Variants in AKAP6 observed in about 807,000 individuals in gnomAD.
AKAP6 encodes A-kinase anchoring protein 6.
A neutral mutation model predicts 188.5 loss-of-function variants in AKAP6; 58 were observed. The ratio of observed to expected loss-of-function variants is 0.31; its 90% CI spans 0.25 to 0.38. The LOEUF (loss-of-function observed/expected upper bound fraction) is 0.38. AKAP6 is among the 10% of genes least tolerant of loss of function. AKAP6 has a pLI of 1.00. For synonymous variants in AKAP6, 989 were observed against 998.6 expected, an observed-to-expected ratio of 0.99 and a Z score of 0.18; for missense variants, 2,710 against 2,740.0, an observed-to-expected ratio of 0.99 and a Z score of 0.24.
intron 7 of AKAP6, among the ~76,000 whole-genome samples, chr14:32,638,752 G>A (rs1012181872): frequency 9.2e-5 from 14 of 152,098 alleles, no homozygotes; most frequent in African/African-American, 2.4e-4. Context: ...AGGGTAAAGG[G>A]TGGTATAGAA....
At chr14:32,366,814 G>A (rs1887850436) in intron 1 of AKAP6, among the ~76,000 whole-genome samples, 1 of 152,078 alleles carries the variant, frequency 6.6e-6, no homozygotes, top group Non-Finnish European at 1.5e-5. Context: ...ACTATTAATT[G>A]TGAAAATTGA....
chr14:32,560,216 T>TA (rs1198522256), intron 4 of AKAP6, among the ~76,000 whole-genome samples: 1 of 152,190 alleles, frequency 6.6e-6, no homozygotes, highest in African/African-American at 2.4e-5. Flanking sequence ...TTAAGGATAA[T>TA]AAAAATCTTT....
intron 7 of AKAP6, among the ~76,000 whole-genome samples, chr14:32,653,432 T>C (rs1164002055): frequency 1.3e-5 from 2 of 152,050 alleles, no homozygotes; most frequent in African/African-American, 2.4e-5. Flanking sequence ...ATCTGGTCAT[T>C]TAAAAGTGTT....
intron 1 of AKAP6, among the ~76,000 whole-genome samples, chr14:32,355,673 G>C (rs1047923934): frequency 2.0e-5 from 3 of 152,172 alleles, no homozygotes; most frequent in Non-Finnish European, 4.4e-5. Context: ...AACCAATAAT[G>C]AGTATAAATG....
intron 1 of AKAP6, among the ~76,000 whole-genome samples, chr14:32,353,790 C>T (rs985185440): frequency 1.3e-5 from 2 of 152,032 alleles, no homozygotes; most frequent in East Asian, 3.9e-4. Context: ...GTGCAAAAAT[C>T]ACAAGCATTC....
intron 12 of AKAP6, among the ~76,000 whole-genome samples, chr14:32,812,559 C>T (rs1255114422): frequency 6.6e-6 from 1 of 152,134 alleles, no homozygotes; most frequent in East Asian, 1.9e-4. Context: ...TGTAAAGCAA[C>T]AGTCAAGATA....
At chr14:32,668,663 G>C (rs960554230) in intron 7 of AKAP6, among the ~76,000 whole-genome samples, 1 of 152,022 alleles carries the variant, frequency 6.6e-6, no homozygotes, top group African/African-American at 2.4e-5. Flanking sequence ...TTTTGCAGTT[G>C]TCCTGACTTT....
At chr14:32,752,804 T>C (rs967840659) in intron 11 of AKAP6, among the ~76,000 whole-genome samples, 2 of 152,214 alleles carry the variant, frequency 1.3e-5, no homozygotes, top group African/African-American at 4.8e-5. Flanking sequence ...GCCTGGCTTA[T>C]TTCACTTAAT....
chr14:32,337,240 G>T (rs752349890), intron 1 of AKAP6, among the ~76,000 whole-genome samples: 7 of 152,112 alleles, frequency 4.6e-5, no homozygotes, highest in Non-Finnish European at 8.8e-5. Context: ...AGGGTTATTG[G>T]TACATTTCAT....
At chr14:32,672,961 C>T (rs2139618509) in intron 7 of AKAP6, among the ~76,000 whole-genome samples, 1 of 152,308 alleles carries the variant, frequency 6.6e-6, no homozygotes, top group African/African-American at 2.4e-5. Context: ...TCCGCTGGCA[C>T]TTCATTGTGG....
intron 12 of AKAP6, among the ~76,000 whole-genome samples, chr14:32,786,298 CTT>C (rs1162974012): frequency 0.043 from 3,468 of 81,564 alleles, 10 homozygotes; most frequent in African/African-American, 0.058. Context: ...AAACCTTTAT[CTT>C]TTTTTTTTTT....
At chr14:32,671,817 G>T (rs1222452946) in intron 7 of AKAP6, among the ~76,000 whole-genome samples, 3 of 152,034 alleles carry the variant, frequency 2.0e-5, no homozygotes, top group Admixed American at 6.6e-5. Flanking sequence ...AAAGTAAAAT[G>T]GATTTTAATA....
intron 11 of AKAP6, among the ~76,000 whole-genome samples, chr14:32,737,687 G>A (rs1036816015): frequency 1.3e-5 from 2 of 152,094 alleles, no homozygotes; most frequent in Non-Finnish European, 2.9e-5. Flanking sequence ...TATCTACAAG[G>A]TTTAGCTTTA....
chr14:32,362,673 G>A (rs568186348), intron 1 of AKAP6, among the ~76,000 whole-genome samples: 6 of 152,332 alleles, frequency 3.9e-5, no homozygotes, highest in East Asian at 1.9e-4. Context: ...TAAATAGCTG[G>A]TAGGGACAGG....
At chr14:32,386,320 C>T (rs550828582) in intron 1 of AKAP6, among the ~76,000 whole-genome samples, 189 of 152,046 alleles carry the variant, frequency 1.2e-3, no homozygotes, top group Admixed American at 2.0e-3. Context: ...AAAGTGGTAA[C>T]GCATTGTGGT....
chr14:32,453,531 T>C (rs1891004283), intron 2 of AKAP6, among the ~76,000 whole-genome samples: 1 of 151,482 alleles, frequency 6.6e-6, no homozygotes, highest in Non-Finnish European at 1.5e-5. Flanking sequence ...TAAATTCTTA[T>C]TAGCCACTTG....
At chr14:32,787,980 G>T (rs1249646604) in intron 12 of AKAP6, among the ~76,000 whole-genome samples, 1 of 139,520 alleles carries the variant, frequency 7.2e-6, no homozygotes, top group Non-Finnish European at 1.5e-5. Context: ...GTTCAAGGAT[G>T]CAATGAGCCG....
chr14:32,492,439 C>T lies in AKAP6; in HGVS notation c.325-43115C>T, dbSNP rs544817865. 3.4e-4 allele frequency among the ~76,000 whole-genome samples: 51 copies of T among 148,426 alleles called. 1 individual carries two copies. In the South Asian group the frequency reaches 0.011, roughly 32 times the overall value. Reference sequence around the variant, plus strand: ...ACCTCACATAACTTTCAGTGTGTGGCAGATTTATGGAAAATTATGTTTGTA... The same window carrying T: ...ACCTCACATAACTTTCAGTGTGTGGTAGATTTATGGAAAATTATGTTTGTA... On this transcript the variant is annotated intron_variant, in intron 2 of 13. Transcript: ENST00000280979.
chr14:32,695,721 T>C (rs2139695798), intron 8 of AKAP6, among the ~76,000 whole-genome samples: 1 of 152,250 alleles, frequency 6.6e-6, no homozygotes, highest in South Asian at 2.1e-4. Context: ...CTGCAAATCC[T>C]CAGAAAGGGT....
Sources: gnomAD v4.1 joint callset for allele counts (sites outside exome capture counted in the v4.1 genomes callset) on GRCh38, gnomAD v4.1.1 for gene constraint, MANE v1.5 for transcripts, NCBI Gene and HGNC (gene_info 2026-07-23, HGNC 2026-07-21) for gene names.